The following RBFOX1 variants were observed in gnomAD, a reference collection of about 807,000 sequenced individuals.
The protein encoded by RBFOX1 is RNA binding protein fox-1 homolog 1.
RBFOX1 carries 8 observed loss-of-function variants against 57.7 expected under a neutral mutation model. That is an observed-to-expected ratio of 0.14 (90% CI 0.08 to 0.25). The LOEUF is 0.25. RBFOX1 is among the 10% of genes least tolerant of loss of function. The pLI is 1.00. For missense variants in RBFOX1, 611 were observed against 548.5 expected (o/e 1.11, Z -1.14); for synonymous variants, 326 against 222.4 (o/e 1.47, Z -4.15).
chr16:7,460,968 C>G (rs1175312363), intron 4 of RBFOX1, among the ~76,000 whole-genome samples: 2 of 152,110 alleles, frequency 1.3e-5, no homozygotes, highest in East Asian at 1.9e-4. Flanking sequence ...CAAGATTGAT[C>G]TCCTTGACAT....
intron 4 of RBFOX1, among the ~76,000 whole-genome samples, chr16:6,004,725 A>G (rs2060663033): frequency 6.6e-6 from 1 of 152,160 alleles, no homozygotes; most frequent in African/African-American, 2.4e-5. Context: ...GTATATTGAT[A>G]CTCGGCCCTA....
chr16:6,429,458 C>T (rs550166361), intron 2 of RBFOX1, among the ~76,000 whole-genome samples: 1 of 152,358 alleles, frequency 6.6e-6, no homozygotes, highest in South Asian at 2.1e-4. Context: ...GGTATTTTCT[C>T]AGGTGCAATG....
chr16:5,751,901 T>G (rs542862743), intron 3 of RBFOX1, among the ~76,000 whole-genome samples: 1 of 152,326 alleles, frequency 6.6e-6, no homozygotes, highest in South Asian at 2.1e-4. Context: ...AAATACCATT[T>G]GACCCAGCAA....
intron 2 of RBFOX1, among the ~76,000 whole-genome samples, chr16:6,357,054 T>G (rs1033883139): frequency 9.9e-5 from 15 of 152,076 alleles, no homozygotes; most frequent in Admixed American, 9.8e-4. Context: ...GGGACCTCTA[T>G]TTGGAGCAGT....
intron 4 of RBFOX1, among the ~76,000 whole-genome samples, chr16:7,349,121 G>C (rs1320215458): frequency 2.0e-5 from 3 of 152,104 alleles, no homozygotes; most frequent in Non-Finnish European, 4.4e-5. Context: ...TTGCTCCTAT[G>C]GTTCTCAGAA....
At chr16:7,520,306 C>A (rs1433371959) in intron 5 of RBFOX1, among the ~76,000 whole-genome samples, 1 of 152,138 alleles carries the variant, frequency 6.6e-6, no homozygotes, top group Non-Finnish European at 1.5e-5. Context: ...TAATCCTGTA[C>A]ACATTTCAAT....
chr16:6,424,015 G>A (rs1185804675), intron 2 of RBFOX1, among the ~76,000 whole-genome samples: 1 of 152,030 alleles, frequency 6.6e-6, no homozygotes, highest in African/African-American at 2.4e-5. Context: ...CGAGGCAGGT[G>A]GATCACTAGG....
intron 4 of RBFOX1, among the ~76,000 whole-genome samples, chr16:7,417,489 G>A (rs2098492827): frequency 6.6e-6 from 1 of 150,576 alleles, no homozygotes; most frequent in Non-Finnish European, 1.5e-5. Context: ...TTGATCCAAT[G>A]CATCCGCCTT....
chr16:6,146,843 C>T (rs761430642), intron 1 of RBFOX1, among the ~76,000 whole-genome samples: 17 of 152,148 alleles, frequency 1.1e-4, no homozygotes, highest in Non-Finnish European at 2.1e-4. Flanking sequence ...AGCTCCACCT[C>T]GTTGCAGAAA....
intron 1 of RBFOX1, among the ~76,000 whole-genome samples, chr16:5,272,915 A>T (rs1484559797): frequency 6.6e-6 from 1 of 152,228 alleles, no homozygotes; most frequent in Admixed American, 6.5e-5. Context: ...AATGGGATTC[A>T]GCCTTTGGAA....
chr16:5,588,118 A>C (rs1290340185), intron 2 of RBFOX1, among the ~76,000 whole-genome samples: 1 of 152,232 alleles, frequency 6.6e-6, no homozygotes, highest in African/African-American at 2.4e-5. Flanking sequence ...AAAAGACCAT[A>C]GATTGTGTGA....
chr16:7,439,626 A>T (rs1347199094), intron 4 of RBFOX1, among the ~76,000 whole-genome samples: 1 of 152,240 alleles, frequency 6.6e-6, no homozygotes, highest in Admixed American at 6.5e-5. Flanking sequence ...AACGCTGCTC[A>T]GTTTTTCCTG....
intron 4 of RBFOX1, among the ~76,000 whole-genome samples, chr16:7,221,972 G>T (rs1158198089): frequency 6.6e-6 from 1 of 152,192 alleles, no homozygotes; most frequent in East Asian, 1.9e-4. Context: ...CTGCTTCTGT[G>T]ATAGAACAGG....
At chr16:7,332,828 T>G in intron 4 of RBFOX1, 1 of 1,429,198 alleles carries the variant, frequency 7.0e-7, no homozygotes, top group Non-Finnish European at 9.1e-7. Flanking sequence ...ACATTAAGAG[T>G]TGCTGATGCG....
intron 3 of RBFOX1, among the ~76,000 whole-genome samples, chr16:6,942,187 C>T (rs1373136172): frequency 6.6e-6 from 1 of 152,098 alleles, no homozygotes; most frequent in African/African-American, 2.4e-5. Flanking sequence ...TGCAGTGAGC[C>T]AAGATGGCAC....
intron 2 of RBFOX1, among the ~76,000 whole-genome samples, chr16:6,556,273 T>C (rs935836755): frequency 3.3e-5 from 5 of 152,214 alleles, no homozygotes; most frequent in Non-Finnish European, 7.3e-5. Flanking sequence ...AAGGCATCTT[T>C]GTCAGTCAGG....
chr16:7,512,962 C>G (rs1410981231), intron 4 of RBFOX1, among the ~76,000 whole-genome samples: 1 of 152,172 alleles, frequency 6.6e-6, no homozygotes, highest in Non-Finnish European at 1.5e-5. Flanking sequence ...GAGGGAACTG[C>G]TTATTTAAAA....
chr16:7,361,431 T>G (rs867495406), intron 4 of RBFOX1, among the ~76,000 whole-genome samples: 1 of 152,202 alleles, frequency 6.6e-6, no homozygotes, highest in African/African-American at 2.4e-5. Context: ...CCCTAAAGCT[T>G]GAAAGAACGG....
At chr16:6,523,407 G>T (rs9931202) in intron 2 of RBFOX1, among the ~76,000 whole-genome samples, 44,868 of 151,964 alleles carry the variant, frequency 0.3, 8,199 homozygotes, top group African/African-American at 0.52. Flanking sequence ...CTATGAACTT[G>T]GCAATGTTAA....
Sources: gnomAD v4.1 joint callset for allele counts (sites outside exome capture counted in the v4.1 genomes callset) on GRCh38, gnomAD v4.1.1 for gene constraint, MANE v1.5 for transcripts, NCBI Gene and HGNC (gene_info 2026-07-23, HGNC 2026-07-21) for gene names.